HSPA12A: variants seen among roughly 807,000 people sequenced by gnomAD.
HSPA12A encodes heat shock 70 kDa protein 12A.
In HSPA12A, 28 loss-of-function variants were observed where a neutral mutation model predicts 69.2. That is an observed-to-expected ratio of 0.40 (90% CI 0.30 to 0.55). The LOEUF is 0.55. HSPA12A is among the 20% of genes least tolerant of loss of function. HSPA12A has a pLI of 0.38. For synonymous variants in HSPA12A, 345 were observed against 370.5 expected (o/e 0.93, Z 0.79); for missense variants, 686 against 900.7 (o/e 0.76, Z 3.05).
Position 116,710,077 on chromosome 10 carries a change from C to A in HSPA12A, c.41-2792G>T, listed in dbSNP as rs1202715903. 1.3e-5 allele frequency among the ~76,000 whole-genome samples: 2 copies of A among 152,174 alleles called. No individual in the cohort carries two copies. Among genetic ancestry groups the A allele is most frequent in the African/African-American group, 4.8e-5 (2 of 41,452 alleles). On this transcript the variant is annotated intron_variant, in intron 1 of 11. Transcript: ENST00000369209. This position sits in a 1 kb window ranked among gnomAD's most constrained non-coding sequence, Gnocchi z 4.1. ...TGCTAATCTCCCAGCACAAGGGAAC[C>A]CCTTCCATGAATGCAGGGGGAACTC... is the stretch of plus-strand genomic sequence containing the variant.
intron 2 of HSPA12A, among the ~76,000 whole-genome samples, chr10:116,778,910 G>C (rs929844811): frequency 1.3e-5 from 2 of 152,176 alleles, no homozygotes; most frequent in Non-Finnish European, 2.9e-5. Context: ...ACTCGCAGTG[G>C]GGAGATGGAA....
chr10:116,771,547 G>A lies in HSPA12A; in HGVS notation c.91+63388C>T, dbSNP rs1481945055. ...AGCCTGGGTCTGAATCATTTCCAGGGCCTAGACAGAGGGCCCCCGGGAGGA... is the reference window on the plus strand; with the variant it reads ...AGCCTGGGTCTGAATCATTTCCAGGACCTAGACAGAGGGCCCCCGGGAGGA... On this transcript the variant is annotated intron_variant, in intron 2 of 12. Transcript: ENST00000635765. 2.0e-5 allele frequency among the ~76,000 whole-genome samples: 3 copies of A among 152,226 alleles called. No individual in the cohort carries two copies. In the South Asian group the frequency reaches 6.2e-4, roughly 32 times the overall value.
intron 2 of HSPA12A, among the ~76,000 whole-genome samples, chr10:116,760,917 A>T (rs1843954647): frequency 6.6e-6 from 1 of 152,224 alleles, no homozygotes; most frequent in Non-Finnish European, 1.5e-5. Flanking sequence ...ATAACAACGG[A>T]GATAAAGGAT....
chr10:116,781,834 C>T (rs1423152973), intron 2 of HSPA12A, among the ~76,000 whole-genome samples: 1 of 152,108 alleles, frequency 6.6e-6, no homozygotes, highest in Non-Finnish European at 1.5e-5. Flanking sequence ...ACTCAACAAA[C>T]AAAGCATTTC....
intron 1 of HSPA12A, among the ~76,000 whole-genome samples, chr10:116,716,122 G>A (rs75971437): frequency 2.0e-5 from 3 of 150,746 alleles, no homozygotes; most frequent in African/African-American, 2.4e-5. Context: ...CTTTGTAGCC[G>A]CTCTGTGAAC....
chr10:116,795,038 T>C (rs1844787459), intron 2 of HSPA12A, among the ~76,000 whole-genome samples: 1 of 152,002 alleles, frequency 6.6e-6, no homozygotes, highest in East Asian at 1.9e-4. Context: ...AAAATAAAAA[T>C]AGAAAGGCTG....
At chr10:116,698,806 G>A in intron 4 of HSPA12A, 67 bp from the exon 5 acceptor site, 7 of 1,297,930 alleles carry the variant, frequency 5.4e-6, no homozygotes, top group Non-Finnish European at 7.8e-6. Flanking sequence ...TGGCTTTGGG[G>A]ACTGCTCCAA....
chr10:116,780,709 T>C (rs547973244), intron 2 of HSPA12A, among the ~76,000 whole-genome samples: 5 of 152,260 alleles, frequency 3.3e-5, no homozygotes, highest in African/African-American at 1.2e-4. Context: ...TGCTTCTTCA[T>C]TAAAACATTG....
At chr10:116,809,965 A>T (rs746381323) in intron 2 of HSPA12A, among the ~76,000 whole-genome samples, 11 of 152,198 alleles carry the variant, frequency 7.2e-5, no homozygotes, top group Non-Finnish European at 1.3e-4. Context: ...CCCGGGGAAG[A>T]CACGGGTTGG....
In HSPA12A at chr10:116,771,869, G is replaced by A. The variant is rs528267468; in HGVS notation, c.91+63066C>T. ...GTTGGGAGAACTGCTGGGGGCGGTG[G>A]GGAGGTGGCATCCTCTGGGGCCTAT... is the stretch of plus-strand genomic sequence containing the variant. On this transcript the variant is annotated intron_variant, in intron 2 of 12. Coordinates refer to the HSPA12A transcript ENST00000635765. 1.5e-3 allele frequency among the ~76,000 whole-genome samples: 231 copies of A among 152,294 alleles called. 2 individuals carry two copies. Among genetic ancestry groups the A allele is most frequent in the South Asian group, 0.015 (71 of 4,818 alleles).
intron 2 of HSPA12A, among the ~76,000 whole-genome samples, chr10:116,800,386 C>T (rs1039846949): frequency 1.7e-4 from 26 of 152,142 alleles, no homozygotes; most frequent in Non-Finnish European, 3.4e-4. Flanking sequence ...GTCACAGGTG[C>T]CTACCATGAA....
In HSPA12A at chr10:116,679,780, G is replaced by C. The variant is rs1554878325; in HGVS notation, c.1028-19C>G. 1 of 1,608,952 alleles carries C rather than the reference G, an allele frequency of 6.2e-7. No homozygotes were observed. Among genetic ancestry groups the C allele is most frequent in the Non-Finnish European group, 8.5e-7 (1 of 1,176,360 alleles). On this transcript the variant is annotated intron_variant, in intron 9 of 11. Transcript: ENST00000369209. ...GGTCCGCCTGAATTGAGAACAAAAA[G>C]GGAGGCCATGGTGTTAAAAACCATT... is the stretch of plus-strand genomic sequence containing the variant.
chr10:116,741,265 G>A (rs1210811764), intron 1 of HSPA12A, among the ~76,000 whole-genome samples: 1 of 152,248 alleles, frequency 6.6e-6, no homozygotes, highest in Non-Finnish European at 1.5e-5. Flanking sequence ...GCAGCAGAGG[G>A]TGGGGGCCGC....
At position 116,679,751 on chromosome 10, in the gene HSPA12A, A is replaced by G. The variant is rs781985770; in HGVS notation, c.1038T>C (p.Tyr346=). 1.2e-6 allele frequency: 2 copies of G among 1,613,414 alleles called. No individual in the cohort carries two copies. The highest frequency in any genetic ancestry group is 3.3e-5 in the Admixed American group (2 of 59,972). Residue 346 remains tyrosine, a synonymous_variant, in exon 10 of 12, where the codon TAT becomes TAC. Transcript: ENST00000369209. ...ACTCATAATCTACTCCTAAAGATCCATAGGGTCCGCCTGAATTGAGAACAA... is the reference window on the plus strand; with the variant it reads ...ACTCATAATCTACTCCTAAAGATCCGTAGGGTCCGCCTGAATTGAGAACAA... ...KELYKATGGP[Y]GSLGVDYEFE... is the part of the protein sequence containing the mutation.
At chr10:116,842,255 C>T (rs1845813881) in intron 1 of HSPA12A, among the ~76,000 whole-genome samples, 1 of 152,254 alleles carries the variant, frequency 6.6e-6, no homozygotes, top group Non-Finnish European at 1.5e-5. Context: ...CAAACCCAAT[C>T]GATATTTACA....
intron 1 of HSPA12A, among the ~76,000 whole-genome samples, chr10:116,846,331 C>CTT (rs398054763): frequency 1.4e-5 from 2 of 140,596 alleles, no homozygotes; most frequent in Non-Finnish European, 1.6e-5. Flanking sequence ...TTTTTCTTTT[C>CTT]TTTTTTTTTT....
At chr10:116,742,395 C>A in intron 1 of HSPA12A, 35 bp downstream of exon 1, 2 of 1,430,372 alleles carry the variant, frequency 1.4e-6, no homozygotes, top group South Asian at 1.3e-5. Context: ...CCTGCCCCGC[C>A]AGCCGCGGCC....
intron 1 of HSPA12A, among the ~76,000 whole-genome samples, chr10:116,708,721 G>C (rs782598562): frequency 1.1e-4 from 16 of 152,156 alleles, no homozygotes; most frequent in African/African-American, 1.4e-4. Context: ...AACTCGCTGG[G>C]TAAAGGACTT....
intron 10 of HSPA12A, 140 bp downstream of exon 10, chr10:116,679,363 A>G (rs1267666352): frequency 1.5e-5 from 14 of 935,364 alleles, no homozygotes; most frequent in Middle Eastern, 3.5e-4. Context: ...AACTGAGGGA[A>G]GAGAAGTTGA....
Sources: allele counts gnomAD v4.1 joint callset (sites outside exome capture counted in the v4.1 genomes callset), GRCh38; gene constraint gnomAD v4.1.1; non-coding constraint Gnocchi (gnomAD v3.1); transcripts MANE v1.5; gene names NCBI Gene and HGNC (gene_info 2026-07-23, HGNC 2026-07-21).